The following RGS12 variants were observed in gnomAD, a reference collection of about 807,000 sequenced individuals.
The protein encoded by RGS12 is regulator of G protein signaling 12, also known as regulator of G-protein signaling 12.
RGS12 carries 66 observed loss-of-function variants against 120.1 expected under a neutral mutation model. The ratio of observed to expected loss-of-function variants is 0.55; its 90% CI spans 0.45 to 0.67. RGS12 has a LOEUF of 0.67. Among genes scored for constraint, RGS12 ranks in the 30% least tolerant of loss-of-function variants. RGS12 has a pLI of 0.00. For synonymous variants in RGS12, 827 were observed against 804.7 expected (o/e 1.03, Z -0.47); for missense variants, 1,859 against 1,957.7 (o/e 0.95, Z 0.95).
At chr4:3,318,197 G>A (rs746022597) in intron 2 of RGS12, 146 bp downstream of exon 2, 17 of 695,164 alleles carry the variant, frequency 2.4e-5, no homozygotes, top group South Asian at 1.4e-4. Context: ...GGGTGTCTGC[G>A]TTGCCTGTGG....
In RGS12 at chr4:3,414,134, C is replaced by G. The variant is rs756595838; in HGVS notation, c.2083C>G (p.Leu695Val). The change falls in exon 5 of 18, where the codon CTC becomes GTC. Residue 695 changes from leucine (L) to valine (V), a missense_variant. Physicochemically the swap from Leu to Val is conservative, Grantham distance 32. Transcript: ENST00000336727. The stretch of plus-strand genomic sequence containing the variant: ...CAACAGCCTGAGCAGCAATGCCAGC[C>G]TCCCCAGCGTGCAGAGCTGCCGGCG... ...SNNSLSSNAS[L>V]PSVQSCRRLR... The G allele has an allele frequency of 3.8e-6, 6 of 1,569,878 alleles. No homozygotes were observed. The highest frequency in any genetic ancestry group is 5.2e-6 in the Non-Finnish European group (6 of 1,164,276).
intron 3 of RGS12, among the ~76,000 whole-genome samples, chr4:3,371,186 A>G (rs1004891472): frequency 1.3e-5 from 2 of 152,240 alleles, no homozygotes; most frequent in African/African-American, 4.8e-5. Flanking sequence ...GATGAAATCA[A>G]CCGGCTTTCT....
chr4:3,402,291 A>G (rs1401929788), intron 4 of RGS12, among the ~76,000 whole-genome samples: 2 of 152,302 alleles, frequency 1.3e-5, no homozygotes, highest in African/African-American at 2.4e-5. Flanking sequence ...AGCATCCACC[A>G]TCTGCCCCTG....
At chr4:3,376,492 G>A (rs1405346027) in intron 3 of RGS12, among the ~76,000 whole-genome samples, 1 of 152,044 alleles carries the variant, frequency 6.6e-6, no homozygotes, top group Non-Finnish European at 1.5e-5. Flanking sequence ...AAGTCCTTGC[G>A]CTGCCACCCT....
chr4:3,383,269 T>C (rs1413395009), intron 3 of RGS12, among the ~76,000 whole-genome samples: 1 of 152,088 alleles, frequency 6.6e-6, no homozygotes, highest in Admixed American at 6.6e-5. Context: ...CTCGTCTCTT[T>C]TCAGGGATTT....
intron 2 of RGS12, among the ~76,000 whole-genome samples, chr4:3,331,374 A>G (rs1175647155): frequency 6.6e-6 from 1 of 152,184 alleles, no homozygotes; most frequent in Non-Finnish European, 1.5e-5. Context: ...ACTTCTTATG[A>G]TGGGAATATG....
intron 1 of RGS12, chr4:3,312,771 G>A: frequency 4.6e-6 from 1 of 215,162 alleles, no homozygotes; most frequent in Non-Finnish European, 1.1e-5. Context: ...CTGATGTCCG[G>A]GGAATATTCT....
chr4:3,402,545 C>T (rs1720701305), intron 4 of RGS12, among the ~76,000 whole-genome samples: 2 of 152,076 alleles, frequency 1.3e-5, no homozygotes, highest in Admixed American at 1.3e-4. Flanking sequence ...GTGGGTGGCC[C>T]CACCTTGGCT....
intron 3 of RGS12, among the ~76,000 whole-genome samples, chr4:3,384,478 G>A (rs1577023620): frequency 6.6e-6 from 1 of 152,172 alleles, no homozygotes; most frequent in African/African-American, 2.4e-5. Context: ...TTTAGATTGC[G>A]ACATGATTGT....
At chr4:3,416,694 T>C (rs1298484131) in intron 7 of RGS12, among the ~76,000 whole-genome samples, 1 of 152,112 alleles carries the variant, frequency 6.6e-6, no homozygotes, top group Admixed American at 6.5e-5. Context: ...ATTTTAAGAG[T>C]GATAAAGGCT....
chr4:3,409,172 C>T (rs2109073695), intron 4 of RGS12, among the ~76,000 whole-genome samples: 1 of 152,252 alleles, frequency 6.6e-6, no homozygotes, highest in African/African-American at 2.4e-5. Context: ...CGAGGCTGTG[C>T]TCTCTCAGGA....
At chr4:3,434,009 A>C (rs1422284135) in intron 17 of RGS12, among the ~76,000 whole-genome samples, 1 of 152,236 alleles carries the variant, frequency 6.6e-6, no homozygotes. Flanking sequence ...GCACGCTGGC[A>C]GAGGTGTGCA....
chr4:3,333,406 G>A (rs1173497338), intron 2 of RGS12, among the ~76,000 whole-genome samples: 6 of 152,328 alleles, frequency 3.9e-5, no homozygotes, highest in South Asian at 2.1e-4. Context: ...CCAAAGTGCC[G>A]GGATTACAGG....
intron 3 of RGS12, among the ~76,000 whole-genome samples, chr4:3,375,991 G>A (rs1717647741): frequency 1.3e-5 from 2 of 152,234 alleles, no homozygotes; most frequent in Non-Finnish European, 2.9e-5. Flanking sequence ...AGCTGAGGAG[G>A]GCAAAGGCCT....
intron 12 of RGS12, 65 bp downstream of exon 12, chr4:3,423,043 G>A: frequency 7.5e-7 from 1 of 1,336,560 alleles, no homozygotes; most frequent in Non-Finnish European, 1.1e-6. Context: ...CCCACCACCT[G>A]CTGGTCTCTG....
At chr4:3,414,269 G>A (rs747021107) in intron 5 of RGS12, 28 bp downstream of exon 5, 42 of 1,517,422 alleles carry the variant, frequency 2.8e-5, no homozygotes, top group East Asian at 4.9e-5. Flanking sequence ...CAGGAGCAGC[G>A]GAGCGGTCTG....
intron 1 of RGS12, among the ~76,000 whole-genome samples, chr4:3,303,065 C>T (rs1432977386): frequency 6.6e-6 from 1 of 152,104 alleles, no homozygotes; most frequent in African/African-American, 2.4e-5. Flanking sequence ...AATGAGTGAG[C>T]AGGAAAATCA....
At chr4:3,439,356 T>A in intron 17 of RGS12, 99 bp from the exon 18 acceptor site, 1 of 1,204,114 alleles carries the variant, frequency 8.3e-7, no homozygotes, top group South Asian at 1.2e-5. Context: ...CAGGGACCCC[T>A]ACCATGCTGT....
intron 2 of RGS12, among the ~76,000 whole-genome samples, chr4:3,337,207 A>T (rs1712574081): frequency 6.6e-6 from 1 of 152,166 alleles, no homozygotes; most frequent in South Asian, 2.1e-4. Flanking sequence ...CACCATCACA[A>T]GAGAGAAAAA....
Sources: gnomAD v4.1 joint callset for allele counts (sites outside exome capture counted in the v4.1 genomes callset) on GRCh38, gnomAD v4.1.1 for gene constraint, MANE v1.5 for transcripts, NCBI Gene and HGNC (gene_info 2026-07-23, HGNC 2026-07-21) for gene names.